The following AGO2 variants were observed in gnomAD, a reference collection of about 807,000 sequenced individuals.
AGO2 encodes argonaute RISC catalytic component 2.
A neutral mutation model predicts 102.3 loss-of-function variants in AGO2; 5 were observed. The observed-to-expected ratio is 0.05, with a 90% CI of 0.03 to 0.10. The LOEUF is 0.10. Among genes scored for constraint, AGO2 ranks in the 10% least tolerant of loss-of-function variants. The probability of loss-of-function intolerance (pLI) is 1.00; values close to 1 mark genes in which losing one functional copy is unlikely to be tolerated. For synonymous variants in AGO2, 449 were observed against 473.1 expected (o/e 0.95, Z 0.66); for missense variants, 541 against 1,183.7 (o/e 0.46, Z 7.97).
rs759110207 is a variant in AGO2 at position 140,526,410 on chromosome 8, G to A, written c.*5634C>T. On this transcript the variant is annotated 3_prime_UTR_variant, in exon 19 of 19. Coordinates refer to ENST00000220592, the MANE Select transcript of AGO2 (RefSeq NM_012154.5). This position sits in a 1 kb window ranked among gnomAD's most constrained non-coding sequence, Gnocchi z 5.2. ...AGAACCCTCCCATGCCATTCGTGCC[G>A]GCCGTAGAATCCTAGAATCTCAAAG... The A allele has an allele frequency of 8.5e-5, 13 of 152,290 alleles. No homozygotes were observed. Among genetic ancestry groups the A allele is most frequent in the African/African-American group, 3.1e-4 (13 of 41,544 alleles). 9.4% of individuals were successfully genotyped at this position (152,290 alleles called of 1,614,324 possible). A position where few individuals can be genotyped will look rare whatever the true frequency, so the allele number is the denominator to read the frequency against.
intron 10 of AGO2, 138 bp from the exon 11 acceptor site, chr8:140,551,574 C>T: frequency 5.5e-6 from 5 of 916,780 alleles, no homozygotes; most frequent in Non-Finnish European, 7.2e-6. Context: ...TGTCTCCTGT[C>T]TCTGACCTGC....
At chr8:140,562,960 G>A (rs999035118) in intron 3 of AGO2, among the ~76,000 whole-genome samples, 5 of 151,958 alleles carry the variant, frequency 3.3e-5, no homozygotes, top group African/African-American at 9.7e-5. Context: ...TCTCTGAATC[G>A]CCCCGTCCCT....
chr8:140,574,192 C>A (rs1259057427), intron 2 of AGO2, among the ~76,000 whole-genome samples: 3 of 130,356 alleles, frequency 2.3e-5, no homozygotes, highest in African/African-American at 8.5e-5. Flanking sequence ...ACTCTGCAAA[C>A]CTCCTGCTGG....
chr8:140,640,240 C>A (rs549530710), upstream of AGO2, among the ~76,000 whole-genome samples: 3 of 152,154 alleles, frequency 2.0e-5, no homozygotes, highest in Non-Finnish European at 4.4e-5. Flanking sequence ...GAGCTCCTGA[C>A]CTCAAGTGAT....
At position 140,525,761 on chromosome 8, in the gene AGO2, A is replaced by G. The variant is rs2072493855; in HGVS notation, c.*6283T>C. On this transcript the variant is annotated 3_prime_UTR_variant, in exon 19 of 19. Transcript: ENST00000220592. ...TCATGGAGAAATTGGGGCGAGCGCTAACCTCAAGATCGGGCAACATATGGA... is the reference window on the plus strand; with the variant it reads ...TCATGGAGAAATTGGGGCGAGCGCTGACCTCAAGATCGGGCAACATATGGA... 6.6e-6 allele frequency: 1 copy of G among 152,258 alleles called. No homozygotes were observed. The highest frequency in any genetic ancestry group is 1.5e-5 in the Non-Finnish European group (1 of 68,092). The allele number at this position is 152,258 out of a possible 1,614,324, so 9.4% of individuals were successfully genotyped here.
intron 14 of AGO2, among the ~76,000 whole-genome samples, chr8:140,541,681 T>C (rs968433534): frequency 6.6e-6 from 1 of 152,156 alleles, no homozygotes; most frequent in African/African-American, 2.4e-5. Flanking sequence ...GATGGGCGGA[T>C]CACCTGAGGT....
chr8:140,561,285 T>C (rs1324022327), intron 4 of AGO2, among the ~76,000 whole-genome samples: 1 of 152,212 alleles, frequency 6.6e-6, no homozygotes, highest in Non-Finnish European at 1.5e-5. Context: ...TGCTCCCTAC[T>C]TGTGGGCTGC....
In AGO2 at chr8:140,635,538, G is replaced by A. The variant is rs1194750316; in HGVS notation, c.-32C>T. 1.0e-6 allele frequency: 1 copy of A among 979,694 alleles called. No homozygotes were observed. Among genetic ancestry groups the A allele is most frequent in the Admixed American group, 6.4e-5 (1 of 15,728 alleles). 60.7% of individuals were successfully genotyped at this position (979,694 alleles called of 1,614,324 possible). A position where few individuals can be genotyped will look rare whatever the true frequency, so the allele number is the denominator to read the frequency against. Reference sequence around the variant, plus strand: ...GCCGCCGAGGGGCTCCGGGGCCGAGGGGCGGCCGCGCGCGCGCCACGGGCC... The same window carrying A: ...GCCGCCGAGGGGCTCCGGGGCCGAGAGGCGGCCGCGCGCGCGCCACGGGCC... On this transcript the variant is annotated 5_prime_UTR_variant, in exon 1 of 19. Coordinates refer to ENST00000220592, the MANE Select transcript of AGO2 (RefSeq NM_012154.5).
rs1470407046 is a variant in AGO2 at position 140,523,571 on chromosome 8, A to G, written c.*8473T>C. The G allele has an allele frequency of 6.6e-6, 1 of 152,124 alleles. No homozygotes were observed. Among genetic ancestry groups the G allele is most frequent in the Non-Finnish European group, 1.5e-5 (1 of 68,004 alleles). The allele number at this position is 152,124 out of a possible 1,614,324, so 9.4% of individuals were successfully genotyped here. A position where few individuals can be genotyped will look rare whatever the true frequency, so the allele number is the denominator to read the frequency against. On this transcript the variant is annotated 3_prime_UTR_variant, in exon 19 of 19. Coordinates refer to ENST00000220592, the MANE Select transcript of AGO2 (RefSeq NM_012154.5). ...CACTTTGCTGCACAGAAACTTATAA[A>G]TTATTCTCTCAAAACTTTTTAAAAA...
At chr8:140,625,875 G>A (rs977802169) in intron 1 of AGO2, among the ~76,000 whole-genome samples, 1 of 152,232 alleles carries the variant, frequency 6.6e-6, no homozygotes, top group African/African-American at 2.4e-5. Context: ...AAGGTGTGAT[G>A]AGTGAGCGTC....
rs1461565465 is a variant in AGO2, at chr8:140,557,718, C to A, written c.879-482G>T. 6.6e-6 allele frequency among the ~76,000 whole-genome samples: 1 copy of A among 152,242 alleles called. No individual in the cohort carries two copies. Among genetic ancestry groups the A allele is most frequent in the African/African-American group, 2.4e-5 (1 of 41,462 alleles). On this transcript the variant is annotated intron_variant, in intron 7 of 18. Coordinates refer to ENST00000220592, the MANE Select transcript of AGO2 (RefSeq NM_012154.5). The surrounding 1 kb of genome is among the most constrained non-coding windows in gnomAD (Gnocchi z 5.9). ...TATGGGTGAGTGAGGGGGAGGCCCA[C>A]AGGCACAGGAAGGGTTGGCCTCTGT...
chr8:140,610,637 C>G (rs948528159), intron 1 of AGO2, among the ~76,000 whole-genome samples: 1 of 152,208 alleles, frequency 6.6e-6, no homozygotes, highest in South Asian at 2.1e-4. Context: ...GAGCAGGGAG[C>G]CCGGCTCCCA....
intron 10 of AGO2, among the ~76,000 whole-genome samples, chr8:140,553,691 G>A (rs946679542): frequency 2.0e-5 from 3 of 149,152 alleles, no homozygotes; most frequent in Admixed American, 1.3e-4. Flanking sequence ...TTACAAGTGT[G>A]AGCCACCATG....
intron 2 of AGO2, among the ~76,000 whole-genome samples, chr8:140,574,616 C>T (rs999089228): frequency 3.3e-5 from 5 of 152,094 alleles, no homozygotes; most frequent in African/African-American, 4.8e-5. Flanking sequence ...TGCCCTCGCA[C>T]ACTACGCCTG....
chr8:140,533,117 C>T (rs1233600664), intron 17 of AGO2, among the ~76,000 whole-genome samples: 9 of 151,872 alleles, frequency 5.9e-5, no homozygotes, highest in South Asian at 2.1e-4. Flanking sequence ...AGGCTGGGCC[C>T]GGTGGCTCAC....
Position 140,611,813 on chromosome 8 carries a change from A to G in AGO2, c.22+23672T>C, listed in dbSNP as rs1411898898. On this transcript the variant is annotated intron_variant, in intron 1 of 18. Transcript: ENST00000220592. The stretch of plus-strand genomic sequence containing the variant: ...GCAGACCTAGTGACCTGCACTTCAA[A>G]GAAAATGGCTGATGGTGTCTGTTGC... 4.6e-5 allele frequency among the ~76,000 whole-genome samples: 7 copies of G among 152,338 alleles called. No individual in the cohort carries two copies. In the East Asian group the frequency reaches 1.4e-3, roughly 29 times the overall value.
chr8:140,538,880 G>A (rs2072743077), intron 16 of AGO2, among the ~76,000 whole-genome samples: 1 of 152,152 alleles, frequency 6.6e-6, no homozygotes, highest in East Asian at 1.9e-4. Flanking sequence ...GCAAGAGGAT[G>A]GCTTAAGCCC....
intron 17 of AGO2, among the ~76,000 whole-genome samples, chr8:140,532,870 C>A (rs945086309): frequency 1.3e-5 from 2 of 151,902 alleles, no homozygotes; most frequent in African/African-American, 2.4e-5. Flanking sequence ...TTGTGGCATG[C>A]GCCTGTAGTC....
chr8:140,593,119 A>G (rs569231361), intron 1 of AGO2: 10 of 152,360 alleles, frequency 6.6e-5, no homozygotes, highest in African/African-American at 9.6e-5. Context: ...CACCCAAAAC[A>G]TACAAGAATC....
Sources: allele counts gnomAD v4.1 joint callset (sites outside exome capture counted in the v4.1 genomes callset), GRCh38; gene constraint gnomAD v4.1.1; non-coding constraint Gnocchi (gnomAD v3.1); transcripts MANE v1.5; gene names NCBI Gene and HGNC (gene_info 2026-07-23, HGNC 2026-07-21).